FGGY: variants seen among roughly 807,000 people sequenced by gnomAD.
FGGY encodes FGGY carbohydrate kinase domain-containing protein.
In FGGY, 72 loss-of-function variants were observed where a neutral mutation model predicts 71.3. The observed-to-expected ratio is 1.01, with a 90% CI of 0.84 to 1.23. The LOEUF (loss-of-function observed/expected upper bound fraction) is 1.23, where lower values mean the gene tolerates loss of function less well. Ranked by LOEUF, FGGY falls within the 50% of genes most tolerant of loss-of-function variation. FGGY has a pLI of 0.00. For missense variants in FGGY, 668 were observed against 682.3 expected, an observed-to-expected ratio of 0.98 and a Z score of 0.23; for synonymous variants, 251 against 250.3, an observed-to-expected ratio of 1.00 and a Z score of -0.02.
rs754063323 is a variant in FGGY at position 59,607,857 on chromosome 1, A to G, written c.958A>G (p.Met320Val). The change falls in exon 9 of 16, where the codon ATG becomes GTG. Residue 320 changes from methionine (M) to valine (V), a missense_variant. By Grantham distance (21) the Met-to-Val change is conservative (BLOSUM62 1). Coordinates refer to ENST00000303721, the MANE Select transcript of FGGY (RefSeq NM_018291.5). ...PGVWGPYFSAMVPGFWLNEGG... is the reference protein window; with the variant it reads ...PGVWGPYFSAVVPGFWLNEGG... Reference sequence around the variant, plus strand: ...CGTCTGGGGGCCTTATTTCTCAGCCATGGTACCTGGGTTCTGGCTGAATGA... The same window carrying G: ...CGTCTGGGGGCCTTATTTCTCAGCCGTGGTACCTGGGTTCTGGCTGAATGA... The G allele has an allele frequency of 3.1e-6, 5 of 1,614,080 alleles. No individual in the cohort carries two copies. The highest frequency in any genetic ancestry group is 1.3e-5 in the African/African-American group (1 of 75,024).
chr1:59,691,640 TC>T (rs371256477), intron 14 of FGGY, among the ~76,000 whole-genome samples: 2 of 149,040 alleles, frequency 1.3e-5, no homozygotes, highest in African/African-American at 5.1e-5. Context: ...TTTTTTCTTT[TC>T]TTTTTTTTTT....
At chr1:59,750,670 G>T (rs2098237772) in intron 14 of FGGY, among the ~76,000 whole-genome samples, 1 of 152,166 alleles carries the variant, frequency 6.6e-6, no homozygotes, top group Non-Finnish European at 1.5e-5. Flanking sequence ...AATACCAGGT[G>T]CAGGTCAAAA....
intron 5 of FGGY, among the ~76,000 whole-genome samples, chr1:59,379,702 C>G (rs1414287746): frequency 6.6e-6 from 1 of 152,060 alleles, no homozygotes; most frequent in Non-Finnish European, 1.5e-5. Context: ...AACTTTTAAA[C>G]TTTTTGACTT....
At position 59,320,086 on chromosome 1, in the gene FGGY, T is replaced by C. The variant is rs17119250; in HGVS notation, c.-14-1450T>C. On this transcript the variant is annotated intron_variant, in intron 1 of 15. Transcript: ENST00000303721. ...GAGAGAAGTTGAGGTTACACACCAG[T>C]GGAGGTCTGATGAAGCTCCTATGAA... Among the ~76,000 whole-genome samples the C allele has an allele frequency of 3.5e-3, 540 of 152,262 alleles. 2 individuals carry two copies. The highest frequency in any genetic ancestry group is 0.012 in the African/African-American group (514 of 41,544).
intron 8 of FGGY, among the ~76,000 whole-genome samples, chr1:59,580,870 T>C (rs1410909806): frequency 6.6e-6 from 1 of 152,194 alleles, no homozygotes; most frequent in Non-Finnish European, 1.5e-5. Context: ...AGCCCATCTA[T>C]TCCATTGAGT....
intron 13 of FGGY, among the ~76,000 whole-genome samples, chr1:59,670,537 GAAAC>G (rs1477443035): frequency 6.6e-6 from 1 of 152,132 alleles, no homozygotes; most frequent in Admixed American, 6.5e-5. Context: ...TCCCTCTTCT[GAAAC>G]AAACAAACCA....
chr1:59,683,417 G>A (rs1372480477), intron 14 of FGGY, among the ~76,000 whole-genome samples: 3 of 152,076 alleles, frequency 2.0e-5, no homozygotes, highest in Admixed American at 2.0e-4. Flanking sequence ...CTTATATGGA[G>A]ACCTATGACT....
At chr1:59,662,709 A>G (rs532003733) in intron 12 of FGGY, among the ~76,000 whole-genome samples, 1 of 152,338 alleles carries the variant, frequency 6.6e-6, no homozygotes, top group African/African-American at 2.4e-5. Flanking sequence ...TATTCAGTAC[A>G]ATACCATGCC....
intron 4 of FGGY, among the ~76,000 whole-genome samples, chr1:59,377,835 A>G (rs1222489108): frequency 2.0e-5 from 3 of 152,176 alleles, no homozygotes; most frequent in African/African-American, 4.8e-5. Context: ...GTGGCAAAGT[A>G]AAGAAAATGC....
chr1:59,334,177 C>T (rs1316634235), intron 2 of FGGY, among the ~76,000 whole-genome samples: 1 of 152,138 alleles, frequency 6.6e-6, no homozygotes, highest in Non-Finnish European at 1.5e-5. Flanking sequence ...GAGTCTCATT[C>T]TGTCGCCCAG....
chr1:59,699,235 AATG>A (rs1347219711), intron 14 of FGGY: 2 of 985,350 alleles, frequency 2.0e-6, no homozygotes, highest in South Asian at 4.7e-5. Flanking sequence ...CTGGCTAAAA[AATG>A]ATATTTTTCT....
intron 1 of FGGY, chr1:59,318,795 A>G (rs2045901912): frequency 1.3e-5 from 2 of 152,282 alleles, no homozygotes; most frequent in African/African-American, 2.4e-5. Flanking sequence ...AGTCTTGCAA[A>G]AGTCTTGCCA....
At chr1:59,414,645 T>C (rs987923526) in intron 5 of FGGY, among the ~76,000 whole-genome samples, 1 of 151,518 alleles carries the variant, frequency 6.6e-6, no homozygotes, top group African/African-American at 2.4e-5. Context: ...ACATGGATAG[T>C]GCAAGATGCT....
chr1:59,311,763 T>C lies in FGGY; in HGVS notation c.-14-9773T>C, dbSNP rs144191561. Among the ~76,000 whole-genome samples, 798 of 152,344 alleles carry C rather than the reference T, an allele frequency of 5.2e-3. 6 individuals carry two copies. Among genetic ancestry groups the C allele is most frequent in the African/African-American group, 0.018 (745 of 41,572 alleles). ...ATTCCTTTGGGTATATACCCAGTAA[T>C]GGGATTGCTGGGTCAAGTGGTATTT... On this transcript the variant is annotated intron_variant, in intron 1 of 15. Transcript: ENST00000303721.
intron 5 of FGGY, among the ~76,000 whole-genome samples, chr1:59,449,218 T>C (rs1165222423): frequency 6.6e-6 from 1 of 152,232 alleles, no homozygotes; most frequent in African/African-American, 2.4e-5. Flanking sequence ...TAACATTTCT[T>C]GTTCTGAAGT....
At chr1:59,531,965 G>C (rs763765777) in intron 7 of FGGY, among the ~76,000 whole-genome samples, 1 of 152,052 alleles carries the variant, frequency 6.6e-6, no homozygotes, top group Non-Finnish European at 1.5e-5. Context: ...ATAACTAAAA[G>C]GTTTCATATG....
At chr1:59,603,955 G>A (rs2096600301) in intron 8 of FGGY, among the ~76,000 whole-genome samples, 1 of 152,158 alleles carries the variant, frequency 6.6e-6, no homozygotes, top group Non-Finnish European at 1.5e-5. Flanking sequence ...GTAACACTGG[G>A]CATGTTATTT....
Position 59,409,631 on chromosome 1 carries a change from C to T in FGGY, c.554+30794C>T, listed in dbSNP as rs865917274. Reference sequence around the variant, plus strand: ...ATATATATATATATATATAAACAGACAAGGCAACTAAAGCTCTGGGAGGTT... The same window carrying T: ...ATATATATATATATATATAAACAGATAAGGCAACTAAAGCTCTGGGAGGTT... On this transcript the variant is annotated intron_variant, in intron 5 of 15. Transcript: ENST00000303721. Among the ~76,000 whole-genome samples, 7 of 143,986 alleles carry T rather than the reference C, an allele frequency of 4.9e-5. No homozygotes were observed. In the South Asian group the frequency reaches 8.4e-4, roughly 17 times the overall value. The allele number at this position is 143,986 out of a possible 152,430, so 94.5% of individuals were successfully genotyped here.
chr1:59,324,299 C>A (rs558386254), intron 2 of FGGY, among the ~76,000 whole-genome samples: 3 of 90,812 alleles, frequency 3.3e-5, no homozygotes, highest in South Asian at 8.1e-4. Context: ...TTTTTTGAGA[C>A]GGAGTCTCGC....
Sources: allele counts gnomAD v4.1 joint callset (sites outside exome capture counted in the v4.1 genomes callset), GRCh38; gene constraint gnomAD v4.1.1; transcripts MANE v1.5; gene names NCBI Gene and HGNC (gene_info 2026-07-23, HGNC 2026-07-21).